Variants in COL25A1 observed in about 807,000 individuals in gnomAD.
COL25A1 encodes the protein collagen type XXV alpha 1 chain.
COL25A1 carries 103 observed loss-of-function variants against 128.4 expected under a neutral mutation model. The observed-to-expected ratio is 0.80, with a 90% CI of 0.68 to 0.94. COL25A1 has a LOEUF of 0.94. Among genes scored for constraint, COL25A1 ranks in the 40% least tolerant of loss-of-function variants. COL25A1 has a pLI of 0.00. For missense variants in COL25A1, 745 were observed against 840.0 expected, an observed-to-expected ratio of 0.89 and a Z score of 1.40; for synonymous variants, 279 against 277.2, an observed-to-expected ratio of 1.01 and a Z score of -0.06.
intron 3 of COL25A1, among the ~76,000 whole-genome samples, chr4:109,051,144 T>C (rs1383471096): frequency 6.6e-6 from 1 of 152,092 alleles, no homozygotes; most frequent in Non-Finnish European, 1.5e-5. Flanking sequence ...ACTGCCTGAT[T>C]TTAAAGAATG....
intron 6 of COL25A1, among the ~76,000 whole-genome samples, chr4:108,975,078 G>GTATGAC (rs1222806544): frequency 3.9e-5 from 6 of 152,286 alleles, no homozygotes; most frequent in Admixed American, 2.0e-4. Flanking sequence ...ATACTCCACT[G>GTATGAC]TATGACTATA....
In COL25A1 at chr4:108,813,110, C is replaced by T. The variant is rs1411093985; in HGVS notation, c.*817G>A. The T allele has an allele frequency of 6.6e-6, 1 of 152,274 alleles. No homozygotes were observed. Among genetic ancestry groups the T allele is most frequent in the Non-Finnish European group, 1.5e-5 (1 of 68,062 alleles). The allele number at this position is 152,274 out of a possible 1,614,324, so 9.4% of individuals were successfully genotyped here. On this transcript the variant is annotated 3_prime_UTR_variant, in exon 38 of 38. Transcript: ENST00000399132. ...CAGTGCTGGAGGCTGAATCGGTCCTCTTCCCATGTCTTCACTGCCAAGGGC... is the reference window on the plus strand; with the variant it reads ...CAGTGCTGGAGGCTGAATCGGTCCTTTTCCCATGTCTTCACTGCCAAGGGC...
At chr4:109,025,462 G>C (rs755831898) in intron 5 of COL25A1, among the ~76,000 whole-genome samples, 5 of 152,116 alleles carry the variant, frequency 3.3e-5, no homozygotes, top group Non-Finnish European at 5.9e-5. Flanking sequence ...AAATTTATAT[G>C]TGCCCAATTC....
At chr4:109,274,496 G>A (rs1782410350) in intron 3 of COL25A1, among the ~76,000 whole-genome samples, 1 of 152,086 alleles carries the variant, frequency 6.6e-6, no homozygotes, top group African/African-American at 2.4e-5. Context: ...CTAATAAAGA[G>A]TCTTCCATCT....
intron 3 of COL25A1, among the ~76,000 whole-genome samples, chr4:109,071,521 T>A (rs1233586154): frequency 1.3e-5 from 2 of 152,020 alleles, no homozygotes; most frequent in South Asian, 4.1e-4. Context: ...ACCTACAGAA[T>A]GGGAGAAAAT....
chr4:109,050,088 C>G, intron 4 of COL25A1, 47 bp downstream of exon 4: 2 of 1,534,900 alleles, frequency 1.3e-6, no homozygotes, highest in African/African-American at 2.7e-5. Context: ...GATGCCGGAA[C>G]TTAACCAGAA....
intron 6 of COL25A1, among the ~76,000 whole-genome samples, chr4:108,984,669 C>T (rs1482147946): frequency 6.6e-6 from 1 of 152,232 alleles, no homozygotes; most frequent in Non-Finnish European, 1.5e-5. Flanking sequence ...TGAGCCCACG[C>T]CCACCCGGAA....
Position 108,901,251 on chromosome 4 carries a change from A to G in COL25A1, c.781-79T>C, listed in dbSNP as rs1742819646. The G allele has an allele frequency of 5.2e-6, 5 of 965,026 alleles. No homozygotes were observed. The South Asian group carries it at 5.4e-5, about 11-fold the overall frequency. The allele number at this position is 965,026 out of a possible 1,614,324, so 59.8% of individuals were successfully genotyped here. A position where few individuals can be genotyped will look rare whatever the true frequency, so the allele number is the denominator to read the frequency against. On this transcript the variant is annotated intron_variant, in intron 13 of 37. Coordinates refer to ENST00000399132, the MANE Select transcript of COL25A1 (RefSeq NM_198721.4). The stretch of plus-strand genomic sequence containing the variant: ...ACATGGATCATTAGAGGAGACAGCC[A>G]TCTAATAATTCTCTAGAAATAGATA...
chr4:109,018,976 G>A (rs1371284781), intron 5 of COL25A1, among the ~76,000 whole-genome samples: 1 of 152,168 alleles, frequency 6.6e-6, no homozygotes, highest in Non-Finnish European at 1.5e-5. Context: ...AAGTGTGATG[G>A]TTAATAGGGA....
intron 10 of COL25A1, among the ~76,000 whole-genome samples, chr4:108,939,880 C>A (rs910278281): frequency 3.9e-5 from 6 of 152,098 alleles, no homozygotes; most frequent in African/African-American, 1.4e-4. Flanking sequence ...TGACACTTGA[C>A]CAATCTTAGT....
In COL25A1 at chr4:109,293,042, T is replaced by G. The variant is rs139475419; in HGVS notation, c.367+7541A>C. ...TTAAAATGCCAGCTGGAATCTGGAG[T>G]CCCTGAGATGACAAATTGGGGTTTC... On this transcript the variant is annotated intron_variant, in intron 3 of 37. Transcript: ENST00000399132. Among the ~76,000 whole-genome samples, 520 of 152,106 alleles carry G rather than the reference T, an allele frequency of 3.4e-3. 4 individuals carry two copies. The highest frequency in any genetic ancestry group is 0.012 in the African/African-American group (486 of 41,516).
At chr4:109,137,928 TA>T (rs1356995917) in intron 3 of COL25A1, among the ~76,000 whole-genome samples, 2 of 152,040 alleles carry the variant, frequency 1.3e-5, no homozygotes, top group Non-Finnish European at 2.9e-5. Flanking sequence ...ATACATGCTC[TA>T]ATTTAGAGAA....
At chr4:108,940,234 A>G (rs1229726760) in intron 10 of COL25A1, among the ~76,000 whole-genome samples, 2 of 152,148 alleles carry the variant, frequency 1.3e-5, no homozygotes, top group Middle Eastern at 3.2e-3. Context: ...CCAATCAAAG[A>G]CTTCTTGAGG....
At chr4:108,995,337 G>A (rs146341400) in intron 6 of COL25A1, among the ~76,000 whole-genome samples, 1,680 of 152,244 alleles carry the variant, frequency 0.011, 35 homozygotes, top group African/African-American at 0.038. Context: ...AGCTTCAATA[G>A]TCGATTCAAT....
At chr4:108,896,920 C>T (rs142226841) in intron 15 of COL25A1, among the ~76,000 whole-genome samples, 103 of 152,294 alleles carry the variant, frequency 6.8e-4, no homozygotes, top group African/African-American at 2.5e-3. Flanking sequence ...CAGTTTTAAA[C>T]TATTCCACAG....
At chr4:109,300,698 A>G in intron 2 of COL25A1, 46 bp from the exon 3 acceptor site, 1 of 1,344,918 alleles carries the variant, frequency 7.4e-7, no homozygotes. Context: ...AGCACTGTAG[A>G]GGGATGGAGT....
intron 3 of COL25A1, among the ~76,000 whole-genome samples, chr4:109,065,480 T>C (rs979817201): frequency 3.3e-5 from 5 of 151,904 alleles, no homozygotes; most frequent in Admixed American, 2.0e-4. Context: ...AAAATGTTGA[T>C]GTAGTAATCC....
chr4:109,025,541 C>A (rs540201904), intron 5 of COL25A1, among the ~76,000 whole-genome samples: 1 of 152,174 alleles, frequency 6.6e-6, no homozygotes, highest in African/African-American at 2.4e-5. Flanking sequence ...AGATGTTTCA[C>A]ATTAATAAAT....
chr4:108,813,978 G>C (rs759380524), intron 37 of COL25A1, 49 bp from the exon 38 acceptor site: 58 of 1,411,908 alleles, frequency 4.1e-5, no homozygotes, highest in Non-Finnish European at 5.5e-5. Flanking sequence ...TAGTAGTCTT[G>C]AATTAAAATT....
Sources: allele counts gnomAD v4.1 joint callset (sites outside exome capture counted in the v4.1 genomes callset), GRCh38; gene constraint gnomAD v4.1.1; transcripts MANE v1.5; gene names NCBI Gene and HGNC (gene_info 2026-07-23, HGNC 2026-07-21).